TMEM114: variants seen among roughly 807,000 people sequenced by gnomAD.
The protein encoded by TMEM114 is claudin-26.
A neutral mutation model predicts 6.2 loss-of-function variants in TMEM114; 6 were observed. That is an observed-to-expected ratio of 0.97 (90% confidence interval 0.53 to 1.91). TMEM114 has a LOEUF of 1.91. TMEM114 is among the 40% of genes most tolerant of loss of function. The pLI is 0.01. For synonymous variants in TMEM114, 104 were observed against 73.0 expected, an observed-to-expected ratio of 1.42 and a Z score of -2.16; for missense variants, 218 against 158.3, an observed-to-expected ratio of 1.38 and a Z score of -2.02.
intron 2 of TMEM114, among the ~76,000 whole-genome samples, chr16:8,546,224 G>T (rs757647440): frequency 6.6e-6 from 1 of 152,186 alleles, no homozygotes; most frequent in Non-Finnish European, 1.5e-5. Context: ...CGATGTTTCA[G>T]ACTGATTGTG....
At chr16:8,557,273 C>G (rs1227798737) in intron 2 of TMEM114, among the ~76,000 whole-genome samples, 1 of 152,110 alleles carries the variant, frequency 6.6e-6, no homozygotes, top group Non-Finnish European at 1.5e-5. Flanking sequence ...TTCCACCTTG[C>G]CCATGGGAGC....
chr16:8,543,677 C>T (rs775789549), intron 2 of TMEM114, among the ~76,000 whole-genome samples: 4 of 152,156 alleles, frequency 2.6e-5, no homozygotes, highest in Non-Finnish European at 5.9e-5. Flanking sequence ...AGCCTCCTGA[C>T]CTTTCTTCTA....
At chr16:8,581,886 G>A (rs373954515) in intron 2 of TMEM114, among the ~76,000 whole-genome samples, 1 of 152,184 alleles carries the variant, frequency 6.6e-6, no homozygotes, top group African/African-American at 2.4e-5. Context: ...ACAGGCACCT[G>A]CTCCTTCCCT....
At chr16:8,580,507 A>C (rs1902103350) in intron 2 of TMEM114, among the ~76,000 whole-genome samples, 1 of 151,726 alleles carries the variant, frequency 6.6e-6, no homozygotes, top group East Asian at 1.9e-4. Context: ...AAAAAAAAAA[A>C]AAAGAAAAAA....
downstream of TMEM114, among the ~76,000 whole-genome samples, chr16:8,533,207 T>A (rs929721289): frequency 6.6e-6 from 1 of 152,140 alleles, no homozygotes; most frequent in African/African-American, 2.4e-5. Context: ...AAGTAATTGA[T>A]GGAGAATTGT....
At chr16:8,561,746 G>GGAATGAAT (rs142729024) in intron 2 of TMEM114, among the ~76,000 whole-genome samples, 4 of 151,936 alleles carry the variant, frequency 2.6e-5, no homozygotes, top group Non-Finnish European at 5.9e-5. Flanking sequence ...AATGAGTGGG[G>GGAATGAAT]GAATGAATGA....
intron 2 of TMEM114, among the ~76,000 whole-genome samples, chr16:8,576,048 T>C (rs1377483815): frequency 1.3e-5 from 2 of 152,062 alleles, no homozygotes; most frequent in Admixed American, 1.3e-4. Context: ...CTCTTGGAAC[T>C]CCGACATCAG....
At chr16:8,574,775 C>T (rs761079439) in intron 2 of TMEM114, among the ~76,000 whole-genome samples, 4 of 152,032 alleles carry the variant, frequency 2.6e-5, no homozygotes, top group Non-Finnish European at 5.9e-5. Context: ...CCATGGCAGC[C>T]CCATGTGAGT....
downstream of TMEM114, among the ~76,000 whole-genome samples, chr16:8,566,629 G>C (rs8047982): frequency 1.3e-5 from 2 of 151,836 alleles, no homozygotes; most frequent in Admixed American, 1.3e-4. Context: ...ACGGGCCATG[G>C]GCATCGCCCA....
intron 2 of TMEM114, among the ~76,000 whole-genome samples, chr16:8,587,248 C>A (rs1902346639): frequency 6.6e-6 from 1 of 152,154 alleles, no homozygotes. Flanking sequence ...ATATATTGAG[C>A]TCCACCTACA....
rs940236211 is a variant in TMEM114 at position 8,588,876 on chromosome 16, C to A, written c.301+337G>T. Among the ~76,000 whole-genome samples the A allele has an allele frequency of 7.4e-4, 112 of 152,352 alleles. 2 individuals are homozygous for A. Among genetic ancestry groups the A allele is most frequent in the Admixed American group, 3.5e-3 (53 of 15,304 alleles). ...GGGGCTTCCCACCTTCCCTTCCTCA[C>A]GCTGCTGGACTCTAACTGCGCGTCT... On this transcript the variant is annotated intron_variant, in intron 2 of 3. Coordinates refer to ENST00000620492, the MANE Select transcript of TMEM114 (RefSeq NM_001146336.2).
chr16:8,532,503 GA>G, the TMEM114 span, among the ~76,000 whole-genome samples: 1 of 152,166 alleles, frequency 6.6e-6, no homozygotes. Flanking sequence ...CCAAGGCCAT[GA>G]AAGGTGAAAG....
At position 8,572,193 on chromosome 16, in the gene TMEM114, C is replaced by A. The variant is rs777103449; in HGVS notation, c.333G>T (p.Pro111=). 69 of 1,551,442 alleles carry A rather than the reference C, an allele frequency of 4.4e-5. 1 individual carries two copies. The South Asian group carries it at 8.2e-4, about 18-fold the overall frequency. The change falls in exon 3 of 4, where the codon CCG becomes CCT. Residue 111 remains proline (P), a synonymous_variant. Coordinates refer to ENST00000620492, the MANE Select transcript of TMEM114 (RefSeq NM_001146336.2). The part of the protein sequence containing the change: ...TMHGTFVILL[P]LSLILMVFGG... ...CAAAAACCATCAGGATCAGGCTGAG[C>A]GGCAGCAGAATCACAAATGTCCCAT...
At chr16:8,544,237 T>C (rs571207178) in intron 2 of TMEM114, among the ~76,000 whole-genome samples, 1 of 152,336 alleles carries the variant, frequency 6.6e-6, no homozygotes, top group East Asian at 1.9e-4. Context: ...TATGTCTTGC[T>C]TAACAGATAA....
In TMEM114 at chr16:8,570,031, G is replaced by C. The variant is rs1477345117; in HGVS notation, c.440-26C>G. 2.0e-6 allele frequency: 3 copies of C among 1,533,652 alleles called. No homozygotes were observed. The African/African-American group carries it at 4.1e-5, about 21-fold the overall frequency. On this transcript the variant is annotated intron_variant, in intron 3 of 3. Coordinates refer to ENST00000620492, the MANE Select transcript of TMEM114 (RefSeq NM_001146336.2). Reference sequence around the variant, plus strand: ...CTGCAGGGAGGGCAAAGGGAGAGCAGATCAATCCCCCACCCCGCCCCAGCA... The same window carrying C: ...CTGCAGGGAGGGCAAAGGGAGAGCACATCAATCCCCCACCCCGCCCCAGCA...
At chr16:8,564,209 ATG>A (rs1901424310) in intron 2 of TMEM114, among the ~76,000 whole-genome samples, 1 of 126,878 alleles carries the variant, frequency 7.9e-6, no homozygotes, top group Admixed American at 7.8e-5. Flanking sequence ...GAGTGGGTGA[ATG>A]AGTGAGTTAG....
chr16:8,564,721 ATGAG>A (rs1901466440), downstream of TMEM114, among the ~76,000 whole-genome samples: 6 of 78,126 alleles, frequency 7.7e-5, no homozygotes, highest in African/African-American at 3.0e-4. Flanking sequence ...GAGTGAGTAA[ATGAG>A]TGAGTGAGGG....
At chr16:8,530,094 C>T in the TMEM114 span, among the ~76,000 whole-genome samples, 1 of 152,196 alleles carries the variant, frequency 6.6e-6, no homozygotes, top group Admixed American at 6.5e-5. Flanking sequence ...TCCCAGTTAA[C>T]AAACTGTACA....
At chr16:8,536,553 AT>A (rs1450218336), downstream of TMEM114, among the ~76,000 whole-genome samples, 2 of 152,126 alleles carry the variant, frequency 1.3e-5, no homozygotes, top group Non-Finnish European at 2.9e-5. Context: ...GAAGTCTTCA[AT>A]AAATTGCTTA....
Sources: allele counts gnomAD v4.1 joint callset (sites outside exome capture counted in the v4.1 genomes callset), GRCh38; gene constraint gnomAD v4.1.1; transcripts MANE v1.5; gene names NCBI Gene and HGNC (gene_info 2026-07-23, HGNC 2026-07-21).